NBAS: variants seen among roughly 807,000 people sequenced by gnomAD.
NBAS encodes the protein NBAS subunit of NRZ tethering complex, also known as NAG/BC035112 fusion.
Under a neutral mutation model 302.5 loss-of-function variants are expected in NBAS, and 219 were observed. The ratio of observed to expected loss-of-function variants is 0.72; its 90% CI spans 0.65 to 0.81. The LOEUF is 0.81. Among genes scored for constraint, NBAS ranks in the 30% least tolerant of loss-of-function variants. The probability of loss-of-function intolerance (pLI) is 0.00; values close to 1 mark genes in which losing one functional copy is unlikely to be tolerated. For synonymous variants in NBAS, 1,118 were observed against 1,021.6 expected, an observed-to-expected ratio of 1.09 and a Z score of -1.80; for missense variants, 2,932 against 2,841.6, an observed-to-expected ratio of 1.03 and a Z score of -0.72.
chr2:15,551,645 A>G (rs1381405052), intron 5 of NBAS, 109 bp from the exon 6 acceptor site: 3 of 714,260 alleles, frequency 4.2e-6, no homozygotes, highest in Admixed American at 2.4e-5. Context: ...GCTCAATCAT[A>G]TCTCCTCTCA....
chr2:15,488,972 G>GGA lies in NBAS; in HGVS notation c.1004_1005insTC (p.Ile336ProfsTer8). ...TGCTCAGTTTCCCTGAGAAGTGAATGGCTGCCAGGAGCATCCCATCTGGAG... is the reference window on the plus strand; with the variant it reads ...TGCTCAGTTTCCCTGAGAAGTGAATGGAGCTGCCAGGAGCATCCCATCTGGAG... On this transcript the variant is annotated frameshift_variant, in exon 12 of 52. Coordinates refer to ENST00000281513, the MANE Select transcript of NBAS (RefSeq NM_015909.4). LOFTEE classifies it high-confidence loss of function. The GGA allele has an allele frequency of 6.2e-7, 1 of 1,613,802 alleles. No homozygotes were observed. The highest frequency in any genetic ancestry group is 8.5e-7 in the Non-Finnish European group (1 of 1,179,828).
chr2:15,141,526 G>A, the NBAS span, among the ~76,000 whole-genome samples: 2 of 152,114 alleles, frequency 1.3e-5, no homozygotes, highest in South Asian at 2.1e-4. Context: ...GGCCTGAGAC[G>A]ATGTCATTCT....
At chr2:15,487,410 GC>G (rs1217302779) in intron 12 of NBAS, among the ~76,000 whole-genome samples, 1 of 152,076 alleles carries the variant, frequency 6.6e-6, no homozygotes, top group Non-Finnish European at 1.5e-5. Context: ...ATGCACTCAA[GC>G]CCCCTAGAAG....
intron 25 of NBAS, among the ~76,000 whole-genome samples, chr2:15,404,701 T>C (rs369371571): frequency 8.6e-5 from 13 of 151,846 alleles, no homozygotes; most frequent in African/African-American, 2.9e-4. Flanking sequence ...TCAGTAGAGA[T>C]GGACTTTCAC....
At chr2:15,061,951 G>T in the NBAS span, among the ~76,000 whole-genome samples, 8 of 152,198 alleles carry the variant, frequency 5.3e-5, no homozygotes, top group Non-Finnish European at 1.0e-4. Context: ...AGCCAGGGGT[G>T]CAGCATGAAG....
chr2:15,073,579 A>G, the NBAS span, among the ~76,000 whole-genome samples: 1 of 152,042 alleles, frequency 6.6e-6, no homozygotes, highest in East Asian at 1.9e-4. Flanking sequence ...AGTAACCACA[A>G]TCTTGAATTT....
intron 44 of NBAS, among the ~76,000 whole-genome samples, chr2:15,256,404 G>A (rs892905177): frequency 6.6e-6 from 1 of 152,112 alleles, no homozygotes; most frequent in African/African-American, 2.4e-5. Context: ...TGTGTACACT[G>A]AGACTTTACT....
Position 15,323,460 on chromosome 2 carries a change from T to C in NBAS, c.4582+4290A>G, listed in dbSNP as rs978945142. 5.3e-5 allele frequency among the ~76,000 whole-genome samples: 8 copies of C among 152,198 alleles called. No individual in the cohort carries two copies. The East Asian group carries it at 1.3e-3, about 26-fold the overall frequency. ...GAGAGTTAAGTCTCAGTATGAAGAA[T>C]GGACACATGAGGCTGGGGAGAACCT... is the stretch of plus-strand genomic sequence containing the variant. On this transcript the variant is annotated intron_variant, in intron 38 of 51. Transcript: ENST00000281513.
At chr2:15,454,509 T>C (rs779191859) in intron 21 of NBAS, among the ~76,000 whole-genome samples, 1 of 152,216 alleles carries the variant, frequency 6.6e-6, no homozygotes, top group Non-Finnish European at 1.5e-5. Context: ...AATGAATGGA[T>C]GTATTAGGAA....
chr2:15,533,646 G>C (rs1456061863), intron 9 of NBAS, among the ~76,000 whole-genome samples: 1 of 151,536 alleles, frequency 6.6e-6, no homozygotes, highest in African/African-American at 2.4e-5. Context: ...GATGGGATTG[G>C]GGAAGAGCAC....
At chr2:15,488,279 C>G (rs1420445908) in intron 12 of NBAS, among the ~76,000 whole-genome samples, 1 of 152,172 alleles carries the variant, frequency 6.6e-6, no homozygotes, top group African/African-American at 2.4e-5. Context: ...AACCTTTACT[C>G]TATCACAATA....
rs541771140 is a variant in NBAS at position 15,561,279 on chromosome 2, G to A, written c.26C>T (p.Ala9Val). MAAPESGP[A>V]LSPGTAEGEE... ...ACCCTCTGCAGTGCCTGGACTCAAA[G>A]CCGGCCCTGACTCGGGGGCCGCCAT... Residue 9 changes from alanine to valine, a missense_variant, in exon 1 of 52, where the codon GCT becomes GTT. Ala to Val is a moderately conservative substitution (Grantham distance 64). Coordinates refer to ENST00000281513, the MANE Select transcript of NBAS (RefSeq NM_015909.4). 9.1e-5 allele frequency: 147 copies of A among 1,613,612 alleles called. No individual in the cohort carries two copies. The highest frequency in any genetic ancestry group is 1.2e-4 in the Non-Finnish European group (138 of 1,180,030).
chr2:15,529,976 C>T (rs146870311), intron 9 of NBAS, among the ~76,000 whole-genome samples: 1 of 152,190 alleles, frequency 6.6e-6, no homozygotes, highest in East Asian at 1.9e-4. Flanking sequence ...AATGTAAAGA[C>T]CTCTAACTTC....
At chr2:15,342,067 A>T (rs993472688) in intron 35 of NBAS, among the ~76,000 whole-genome samples, 7 of 152,338 alleles carry the variant, frequency 4.6e-5, no homozygotes, top group African/African-American at 1.7e-4. Context: ...AAACAAAACA[A>T]AGTGAGCATT....
the NBAS span, among the ~76,000 whole-genome samples, chr2:14,977,703 G>A: frequency 1.3e-5 from 2 of 152,098 alleles, no homozygotes; most frequent in African/African-American, 2.4e-5. Flanking sequence ...ACCTAAGCTT[G>A]GACAATTAGA....
At chr2:14,887,303 C>G in the NBAS span, among the ~76,000 whole-genome samples, 1 of 150,178 alleles carries the variant, frequency 6.7e-6, no homozygotes, top group Non-Finnish European at 1.5e-5. Context: ...ACTCGAGAGG[C>G]TGAGGCAGGA....
Position 15,328,289 on chromosome 2 carries a change from A to C in NBAS, c.4371T>G (p.Tyr1457Ter). The C allele has an allele frequency of 6.2e-7, 1 of 1,613,894 alleles. No individual in the cohort carries two copies. The highest frequency in any genetic ancestry group is 8.5e-7 in the Non-Finnish European group (1 of 1,179,896). ...PLQGQKCGGA[Y>*]QIGTTANEDL... ...CTTCATTGGCTGTAGTTCCGATTTGATATGCACCACCACATTTTTGCCCCT... is the reference window on the plus strand; with the variant it reads ...CTTCATTGGCTGTAGTTCCGATTTGCTATGCACCACCACATTTTTGCCCCT... The change falls in exon 37 of 52, where the codon TAT (tyrosine) becomes TAG (stop). Residue 1457 changes from tyrosine (Y) to a stop codon, truncating the protein, a stop_gained. Transcript: ENST00000281513. LOFTEE classifies it high-confidence loss of function.
At chr2:15,184,728 G>A (rs908693634) in intron 50 of NBAS, among the ~76,000 whole-genome samples, 7 of 152,172 alleles carry the variant, frequency 4.6e-5, no homozygotes, top group African/African-American at 1.7e-4. Flanking sequence ...CTCGGCCTGG[G>A]GTTTGGGGAA....
chr2:15,392,142 C>T (rs1161800779), intron 28 of NBAS, among the ~76,000 whole-genome samples: 3 of 151,786 alleles, frequency 2.0e-5, no homozygotes, highest in Non-Finnish European at 2.9e-5. Flanking sequence ...ACATGCAACA[C>T]ATTTTTCACA....
Sources: gnomAD v4.1 joint callset for allele counts (sites outside exome capture counted in the v4.1 genomes callset) on GRCh38, gnomAD v4.1.1 for gene constraint, MANE v1.5 for transcripts, NCBI Gene and HGNC (gene_info 2026-07-23, HGNC 2026-07-21) for gene names.